CHSY3: variants seen among roughly 807,000 people sequenced by gnomAD.
CHSY3 encodes N-acetylgalactosaminyl-proteoglycan 3-beta-glucuronosyltransferase 3.
In CHSY3, 35 loss-of-function variants were observed where a neutral mutation model predicts 67.2. That is an observed-to-expected ratio of 0.52 (90% confidence interval 0.40 to 0.69). The LOEUF is 0.69. CHSY3 is among the 30% of genes least tolerant of loss of function. The probability of loss-of-function intolerance (pLI) is 0.00; values close to 1 mark genes in which losing one functional copy is unlikely to be tolerated. For missense variants in CHSY3, 1,069 were observed against 1,138.5 expected, an observed-to-expected ratio of 0.94 and a Z score of 0.88; for synonymous variants, 474 against 434.7, an observed-to-expected ratio of 1.09 and a Z score of -1.12.
At chr5:129,918,606 C>T (rs1760808909) in intron 2 of CHSY3, among the ~76,000 whole-genome samples, 1 of 152,012 alleles carries the variant, frequency 6.6e-6, no homozygotes, top group South Asian at 2.1e-4. Context: ...GGAAGTAACA[C>T]ATAGGGGCAA....
intron 2 of CHSY3, among the ~76,000 whole-genome samples, chr5:129,956,616 T>C (rs541997898): frequency 9.9e-5 from 15 of 151,924 alleles, no homozygotes; most frequent in Non-Finnish European, 1.3e-4. Flanking sequence ...ATATTCATCG[T>C]GAAATCTTGA....
chr5:130,106,087 G>T (rs894659286), intron 2 of CHSY3, among the ~76,000 whole-genome samples: 3 of 151,594 alleles, frequency 2.0e-5, no homozygotes, highest in Non-Finnish European at 4.4e-5. Flanking sequence ...AAGTTCAAGT[G>T]GATTTGGATA....
chr5:129,926,610 CT>C (rs139482315), intron 2 of CHSY3, among the ~76,000 whole-genome samples: 3 of 150,810 alleles, frequency 2.0e-5, no homozygotes, highest in African/African-American at 7.3e-5. Flanking sequence ...TTTGGTTTCC[CT>C]TTTTTTTTAA....
intron 2 of CHSY3, among the ~76,000 whole-genome samples, chr5:129,935,591 G>T (rs2436454): frequency 0.94 from 143,538 of 152,242 alleles, 67,773 homozygotes; most frequent in East Asian, 1. Flanking sequence ...ACAAATTGAA[G>T]TGCTTGAACA....
At chr5:130,040,075 G>A (rs140469627) in intron 2 of CHSY3, among the ~76,000 whole-genome samples, 359 of 152,148 alleles carry the variant, frequency 2.4e-3, no homozygotes, top group African/African-American at 7.6e-3. Context: ...TTGAACTTTC[G>A]TCTAGGGTTT....
intron 2 of CHSY3, among the ~76,000 whole-genome samples, chr5:129,966,023 G>A (rs910665195): frequency 1.3e-5 from 2 of 151,862 alleles, no homozygotes; most frequent in Non-Finnish European, 2.9e-5. Context: ...ATGCAAAGAT[G>A]TAAAGCTCCA....
Position 130,185,302 on chromosome 5 carries a change from C to G in CHSY3, c.2160C>G (p.Asp720Glu). 1 of 1,611,894 alleles carries G rather than the reference C, an allele frequency of 6.2e-7. No homozygotes were observed. The highest frequency in any genetic ancestry group is 8.5e-7 in the Non-Finnish European group (1 of 1,178,060). ...CTTTGCTGCTATTTTGTGATGTTGA[C>G]TTGATCTTCAGAGAAGATTTTCTCC... The part of the protein sequence containing the change: ...NDTLLLFCDV[D>E]LIFREDFLQR... The change falls in exon 3 of 3, where the codon GAC (aspartate) becomes GAG (glutamate). Residue 720 changes from aspartate to glutamate, a missense_variant. Physicochemically the swap from Asp to Glu is conservative, Grantham distance 45. Transcript: ENST00000305031.
At chr5:129,930,485 T>C (rs1415501616) in intron 2 of CHSY3, among the ~76,000 whole-genome samples, 1 of 134,096 alleles carries the variant, frequency 7.5e-6, no homozygotes, top group African/African-American at 2.8e-5. Context: ...GCACCATAGA[T>C]GTTTAAAAGG....
At chr5:130,044,786 G>C (rs1424239155) in intron 2 of CHSY3, among the ~76,000 whole-genome samples, 1 of 152,048 alleles carries the variant, frequency 6.6e-6, no homozygotes, top group African/African-American at 2.4e-5. Context: ...AAGCTTACTG[G>C]AGGCGACAAA....
intron 2 of CHSY3, among the ~76,000 whole-genome samples, chr5:129,977,883 A>C (rs1015815200): frequency 6.7e-6 from 1 of 148,642 alleles, no homozygotes; most frequent in African/African-American, 2.5e-5. Context: ...AAAAAAAAAA[A>C]CTAATAGCTT....
intron 2 of CHSY3, among the ~76,000 whole-genome samples, chr5:129,984,235 G>T (rs986581767): frequency 6.6e-6 from 1 of 152,012 alleles, no homozygotes; most frequent in Admixed American, 6.6e-5. Context: ...TTGTATCCAT[G>T]TGTACTCAAT....
rs532133552 is a variant in CHSY3 at position 130,042,037 on chromosome 5, C to T, written c.1086+133677C>T. 7.2e-5 allele frequency among the ~76,000 whole-genome samples: 11 copies of T among 152,098 alleles called. No homozygotes were observed. In the East Asian group the frequency reaches 1.9e-3, roughly 27 times the overall value. ...ATCACTTGAGTGCAGGGGTTCAAGA[C>T]CAGCCTGGGCAACATATTAAGACCT... On this transcript the variant is annotated intron_variant, in intron 2 of 2. Coordinates refer to ENST00000305031, the MANE Select transcript of CHSY3 (RefSeq NM_175856.5).
intron 2 of CHSY3, among the ~76,000 whole-genome samples, chr5:130,026,900 CAT>C (rs1491217679): frequency 4.0e-5 from 6 of 151,692 alleles, no homozygotes; most frequent in Admixed American, 1.3e-4. Flanking sequence ...TCCCAACGGC[CAT>C]GTGTGTGTGT....
chr5:130,180,917 A>G (rs1561573089), intron 2 of CHSY3, among the ~76,000 whole-genome samples: 1 of 152,230 alleles, frequency 6.6e-6, no homozygotes, highest in Non-Finnish European at 1.5e-5. Context: ...GACCTATGCT[A>G]TGTTTTCATT....
At chr5:130,101,517 A>G (rs139027414) in intron 2 of CHSY3, among the ~76,000 whole-genome samples, 1,595 of 152,272 alleles carry the variant, frequency 0.01, 27 homozygotes, top group African/African-American at 0.036. Flanking sequence ...ATATTTTGAT[A>G]TATGTAGACA....
intron 2 of CHSY3, among the ~76,000 whole-genome samples, chr5:130,049,666 A>G (rs1765269556): frequency 6.6e-6 from 1 of 152,136 alleles, no homozygotes; most frequent in Non-Finnish European, 1.5e-5. Context: ...TATAAATGTC[A>G]TGATAAAATG....
chr5:130,158,083 C>T (rs1244663674), intron 2 of CHSY3, among the ~76,000 whole-genome samples: 3 of 152,208 alleles, frequency 2.0e-5, no homozygotes, highest in Admixed American at 6.5e-5. Context: ...TGATGGGTTT[C>T]GTCCAGCTTC....
At chr5:130,042,266 G>C (rs55931902) in intron 2 of CHSY3, among the ~76,000 whole-genome samples, 76 of 152,080 alleles carry the variant, frequency 5.0e-4, no homozygotes, top group African/African-American at 1.8e-3. Flanking sequence ...CTCTGTTACA[G>C]GATATCATTG....
Position 130,184,991 on chromosome 5 carries a change from A to G in CHSY3, c.1849A>G (p.Asn617Asp). The G allele has an allele frequency of 6.4e-7, 1 of 1,554,032 alleles. No individual in the cohort carries two copies. Among genetic ancestry groups the G allele is most frequent in the Non-Finnish European group, 8.9e-7 (1 of 1,125,634 alleles). The change falls in exon 3 of 3, where the codon AAT (asparagine) becomes GAT (aspartate). Residue 617 changes from asparagine to aspartate, a missense_variant. By Grantham distance (23) the Asn-to-Asp change is conservative (BLOSUM62 1). Transcript: ENST00000305031. The part of the protein sequence containing the change: ...FQGAKEMGGH[N>D]EKKVHILVPL... ...AGGTGCCAAAGAAATGGGAGGGCAC[A>G]ATGAAAAGAAAGTACACATTCTCGT...
Sources: gnomAD v4.1 joint callset for allele counts (sites outside exome capture counted in the v4.1 genomes callset) on GRCh38, gnomAD v4.1.1 for gene constraint, MANE v1.5 for transcripts, NCBI Gene and HGNC (gene_info 2026-07-23, HGNC 2026-07-21) for gene names.